The following GPC5 variants were observed in gnomAD, a reference collection of about 807,000 sequenced individuals.
GPC5 encodes the protein glypican 5, also known as glypican-5.
In GPC5, 47 loss-of-function variants were observed where a neutral mutation model predicts 53.9. The observed-to-expected ratio is 0.87, with a 90% confidence interval of 0.69 to 1.11. GPC5 has a LOEUF of 1.11. Ranked by LOEUF, GPC5 falls within the 50% of genes most tolerant of loss-of-function variation. The pLI is 0.00. For missense variants in GPC5, 748 were observed against 713.1 expected, an observed-to-expected ratio of 1.05 and a Z score of -0.56; for synonymous variants, 286 against 263.3, an observed-to-expected ratio of 1.09 and a Z score of -0.84.
chr13:92,019,015 T>C (rs2040733400), intron 6 of GPC5, among the ~76,000 whole-genome samples: 1 of 151,880 alleles, frequency 6.6e-6, no homozygotes, highest in African/African-American at 2.4e-5. Context: ...AAAATATTGG[T>C]GTATGTTCGA....
At chr13:92,678,896 A>G (rs1167048244) in intron 7 of GPC5, among the ~76,000 whole-genome samples, 1 of 152,212 alleles carries the variant, frequency 6.6e-6, no homozygotes, top group Non-Finnish European at 1.5e-5. Flanking sequence ...AAATATTTTT[A>G]AAGTAGAGTT....
At chr13:91,460,442 TG>T (rs1881861006) in intron 2 of GPC5, among the ~76,000 whole-genome samples, 1 of 151,624 alleles carries the variant, frequency 6.6e-6, no homozygotes, top group South Asian at 2.1e-4. Context: ...GGATTATAGG[TG>T]TATGCCACCA....
chr13:92,448,213 C>G (rs1335689560), intron 7 of GPC5: 1 of 151,964 alleles, frequency 6.6e-6, no homozygotes, highest in South Asian at 2.1e-4. Context: ...CTAATTTATT[C>G]TATAACAGTT....
At chr13:92,861,715 G>T (rs1324291574) in intron 7 of GPC5, among the ~76,000 whole-genome samples, 4 of 151,986 alleles carry the variant, frequency 2.6e-5, no homozygotes, top group African/African-American at 9.7e-5. Flanking sequence ...TTTCTTGTGT[G>T]ATATCAAAAC....
intron 7 of GPC5, among the ~76,000 whole-genome samples, chr13:92,242,712 T>G (rs1016455334): frequency 6.6e-6 from 1 of 152,174 alleles, no homozygotes; most frequent in Admixed American, 6.5e-5. Flanking sequence ...TAGTACTTCA[T>G]GCGTAGGAGA....
intron 7 of GPC5, among the ~76,000 whole-genome samples, chr13:92,237,052 C>T (rs947708919): frequency 3.3e-5 from 5 of 152,074 alleles, no homozygotes; most frequent in East Asian, 1.9e-4. Flanking sequence ...AAACACCCCA[C>T]AACTAATGCC....
At chr13:92,657,593 T>G (rs1264822120) in intron 7 of GPC5, among the ~76,000 whole-genome samples, 10 of 149,024 alleles carry the variant, frequency 6.7e-5, no homozygotes, top group African/African-American at 1.2e-4. Flanking sequence ...TTTTTTTTTT[T>G]TTTTTTTTTT....
At chr13:92,503,004 A>G (rs1389771366) in intron 7 of GPC5, among the ~76,000 whole-genome samples, 2 of 152,006 alleles carry the variant, frequency 1.3e-5, no homozygotes, top group Non-Finnish European at 2.9e-5. Context: ...CTACAATAAT[A>G]ATCAACTAAA....
chr13:92,238,033 G>A (rs1003733830), intron 7 of GPC5, among the ~76,000 whole-genome samples: 11 of 151,840 alleles, frequency 7.2e-5, no homozygotes, highest in African/African-American at 2.7e-4. Flanking sequence ...TTATTGTATG[G>A]TTATAACACA....
intron 7 of GPC5, among the ~76,000 whole-genome samples, chr13:92,622,742 C>T (rs939329137): frequency 2.0e-5 from 3 of 151,864 alleles, no homozygotes; most frequent in African/African-American, 4.8e-5. Context: ...TACTAATCCA[C>T]GATAATATGC....
At position 92,061,551 on chromosome 13, in the gene GPC5, A is replaced by G. The variant is rs578121180; in HGVS notation, c.1402-83279A>G. 8.5e-4 allele frequency among the ~76,000 whole-genome samples: 130 copies of G among 152,218 alleles called. 1 individual carries two copies. In the Middle Eastern group the frequency reaches 0.034, roughly 40 times the overall value. ...CTATTTTATGGGAACGAAATTATTG[A>G]AATCAAGTTTTAAAAGTTAATAATA... On this transcript the variant is annotated intron_variant, in intron 6 of 7. Coordinates refer to ENST00000377067, the MANE Select transcript of GPC5 (RefSeq NM_004466.6).
chr13:92,277,837 A>G (rs183366414), intron 7 of GPC5, among the ~76,000 whole-genome samples: 3 of 152,050 alleles, frequency 2.0e-5, no homozygotes, highest in African/African-American at 7.2e-5. Flanking sequence ...AACATCTGTT[A>G]GGCATAGAAA....
chr13:91,672,057 T>C (rs342680), intron 2 of GPC5, among the ~76,000 whole-genome samples: 33,819 of 152,056 alleles, frequency 0.22, 5,063 homozygotes, highest in African/African-American at 0.43. Flanking sequence ...AAACTGAAAC[T>C]GGACCACTTC....
At chr13:91,847,219 CAAA>C (rs58401616) in intron 5 of GPC5, among the ~76,000 whole-genome samples, 2 of 86,026 alleles carry the variant, frequency 2.3e-5, no homozygotes, top group African/African-American at 4.8e-5. Flanking sequence ...GACTCCATCT[CAAA>C]AAAAAAAAAA....
At chr13:91,679,656 C>G (rs898940993) in intron 2 of GPC5, among the ~76,000 whole-genome samples, 1 of 152,188 alleles carries the variant, frequency 6.6e-6, no homozygotes, top group African/African-American at 2.4e-5. Context: ...TTGGTGGCAT[C>G]AAACTGTACT....
intron 5 of GPC5, among the ~76,000 whole-genome samples, chr13:91,804,037 A>C (rs2038180170): frequency 6.6e-6 from 1 of 152,092 alleles, no homozygotes; most frequent in South Asian, 2.1e-4. Context: ...CATGGAGAAA[A>C]GGAGACAGAT....
chr13:92,102,439 T>A (rs1053224238), intron 6 of GPC5, among the ~76,000 whole-genome samples: 7 of 152,092 alleles, frequency 4.6e-5, no homozygotes, highest in Non-Finnish European at 8.8e-5. Flanking sequence ...TAAGTAGCAG[T>A]TGGTTTTTCT....
chr13:91,600,765 A>G (rs2033156771), intron 2 of GPC5, among the ~76,000 whole-genome samples: 1 of 152,156 alleles, frequency 6.6e-6, no homozygotes, highest in Admixed American at 6.5e-5. Context: ...GCACTTGGGC[A>G]TAATTATAGA....
At chr13:92,846,598 G>T (rs745442945) in intron 7 of GPC5, among the ~76,000 whole-genome samples, 1 of 152,078 alleles carries the variant, frequency 6.6e-6, no homozygotes, top group East Asian at 1.9e-4. Context: ...CCAGATTGTC[G>T]CAGCTTTAGT....
Sources: allele counts gnomAD v4.1 joint callset (sites outside exome capture counted in the v4.1 genomes callset), GRCh38; gene constraint gnomAD v4.1.1; transcripts MANE v1.5; gene names NCBI Gene and HGNC (gene_info 2026-07-23, HGNC 2026-07-21).